The following LMNTD2 variants were observed in gnomAD, a reference collection of about 807,000 sequenced individuals.
The protein encoded by LMNTD2 is lamin tail domain containing 2.
In LMNTD2, 83 loss-of-function variants were observed where a neutral mutation model predicts 70.1. The ratio of observed to expected loss-of-function variants is 1.18; its 90% CI spans 0.99 to 1.42. The LOEUF (loss-of-function observed/expected upper bound fraction) is 1.42. Ranked by LOEUF, LMNTD2 falls within the 40% of genes most tolerant of loss-of-function variation. The probability of loss-of-function intolerance (pLI) is 0.00; values close to 1 mark genes in which losing one functional copy is unlikely to be tolerated. For missense variants in LMNTD2, 1,153 were observed against 905.9 expected (o/e 1.27, Z -3.50); for synonymous variants, 534 against 406.1 (o/e 1.31, Z -3.79).
chr11:555,531 C>T (rs1413763611), intron 12 of LMNTD2, 28 bp from the exon 13 acceptor site: 19 of 1,335,668 alleles, frequency 1.4e-5, no homozygotes, highest in East Asian at 3.1e-5. Context: ...GTGAGGGCGG[C>T]GGCCGGCCCG....
intron 1 of LMNTD2, chr11:560,470 C>T (rs1307554428): frequency 8.0e-7 from 1 of 1,256,314 alleles, no homozygotes. Context: ...GACTGGTGAC[C>T]CTGCGACCCC....
intron 3 of LMNTD2, 171 bp downstream of exon 3, chr11:558,443 G>A (rs1007064098): frequency 2.0e-5 from 21 of 1,070,082 alleles, no homozygotes; most frequent in East Asian, 5.2e-5. Flanking sequence ...ACATGCGCAG[G>A]GTTAGGGTGG....
chr11:557,772 T>G (rs1459036898), intron 5 of LMNTD2, 112 bp downstream of exon 5: 1 of 1,544,556 alleles, frequency 6.5e-7, no homozygotes, highest in African/African-American at 1.4e-5. Flanking sequence ...CAGAGGCACC[T>G]GAGCAGGGCA....
Position 556,887 on chromosome 11 carries a change from A to C in LMNTD2, c.924T>G (p.Ala308=). The C allele has an allele frequency of 6.3e-7, 1 of 1,595,836 alleles. No homozygotes were observed. Among genetic ancestry groups the C allele is most frequent in the Non-Finnish European group, 8.5e-7 (1 of 1,172,952 alleles). ...CCTGCACCAGCGCTTGCTCGGAGGA[A>C]GCGCGGTGGTCCCGGGGCGGGTGCC... ...VIGHPPRDHR[A]SSEQALVQAG... is the part of the protein sequence containing the mutation. The change falls in exon 8 of 14, where the codon GCT becomes GCG. Residue 308 remains alanine (A), a synonymous_variant. Coordinates refer to ENST00000329451, the MANE Select transcript of LMNTD2 (RefSeq NM_173573.3).
At position 556,294 on chromosome 11, in the gene LMNTD2, G is replaced by C; in HGVS notation, c.1155C>G (p.Ala385=). The change falls in exon 10 of 14, where the codon GCC becomes GCG. Residue 385 remains alanine, a synonymous_variant. Transcript: ENST00000329451. ...GCTTCAGCACCATGCCGCTCAGGTC[G>C]GCCGTGCTCTCCTGCGACGGGTTGA... is the stretch of plus-strand genomic sequence containing the variant. ...RIFNPSQEST[A]DLSGMVLKQL... 1.3e-6 allele frequency: 2 copies of C among 1,535,532 alleles called. No homozygotes were observed. The highest frequency in any genetic ancestry group is 1.7e-6 in the Non-Finnish European group (2 of 1,146,674).
chr11:559,868 T>A, intron 1 of LMNTD2: 1 of 661,576 alleles, frequency 1.5e-6, no homozygotes, highest in Non-Finnish European at 1.9e-6. Context: ...CAGGTGATCC[T>A]CCCACTTCCG....
rs1453779625 is a variant in LMNTD2, at chr11:556,219, C to T, written c.1230G>A (p.Thr410=). ...TGACGTGGTGCCGCGGGGCCAGCAGCGTGCCCGGCGGGAAGCGGTACAGGC... is the reference window on the plus strand; with the variant it reads ...TGACGTGGTGCCGCGGGGCCAGCAGTGTGCCCGGCGGGAAGCGGTACAGGC... The part of the protein sequence containing the change: ...PERLYRFPPG[T]LLAPRHHVTV... The change falls in exon 10 of 14, where the codon ACG becomes ACA. Residue 410 remains threonine (T), a synonymous_variant. Transcript: ENST00000329451. The T allele has an allele frequency of 2.7e-6, 4 of 1,489,570 alleles. No homozygotes were observed. Among genetic ancestry groups the T allele is most frequent in the Non-Finnish European group, 3.6e-6 (4 of 1,125,760 alleles). The allele number at this position is 1,489,570 out of a possible 1,614,324, so 92.3% of individuals were successfully genotyped here.
chr11:556,289 A>G lies in LMNTD2; in HGVS notation c.1160T>C (p.Leu387Pro). ...CAGCTGCTTCAGCACCATGCCGCTC[A>G]GGTCGGCCGTGCTCTCCTGCGACGG... ...FNPSQESTADLSGMVLKQLVR... is the reference protein window; with the variant it reads ...FNPSQESTADPSGMVLKQLVR... Residue 387 changes from leucine to proline, a missense_variant, in exon 10 of 14, where the codon CTG (leucine) becomes CCG (proline). Coordinates refer to ENST00000329451, the MANE Select transcript of LMNTD2 (RefSeq NM_173573.3). 1 of 1,535,458 alleles carries G rather than the reference A, an allele frequency of 6.5e-7. No homozygotes were observed. The highest frequency in any genetic ancestry group is 8.7e-7 in the Non-Finnish European group (1 of 1,146,642).
At chr11:560,257 G>C (rs777779541) in intron 1 of LMNTD2, 46 of 992,026 alleles carry the variant, frequency 4.6e-5, no homozygotes, top group Non-Finnish European at 4.9e-5. Flanking sequence ...GAGGCTGCGG[G>C]GCCCTGGGCG....
intron 1 of LMNTD2, chr11:559,253 CCT>C: frequency 6.7e-7 from 1 of 1,494,902 alleles, no homozygotes; most frequent in Non-Finnish European, 9.0e-7. Context: ...GGCGTGTACC[CCT>C]GCCACCCAGG....
chr11:555,507 G>A lies in LMNTD2; in HGVS notation c.1575-4C>T. On this transcript the variant is annotated splice_region_variant and splice_polypyrimidine_tract_variant and intron_variant, in intron 12 of 13. Coordinates refer to ENST00000329451, the MANE Select transcript of LMNTD2 (RefSeq NM_173573.3). ...TGGGGGCAGCAGGCCCCGCGTCCTG[G>A]TGGGGCGAGGGTCGTGAGGGCGGCG... The A allele has an allele frequency of 4.4e-6, 6 of 1,361,382 alleles. No individual in the cohort carries two copies. The South Asian group carries it at 7.6e-5, about 17-fold the overall frequency. The allele number at this position is 1,361,382 out of a possible 1,614,324, so 84.3% of individuals were successfully genotyped here. A position where few individuals can be genotyped will look rare whatever the true frequency, so the allele number is the denominator to read the frequency against.
At chr11:560,374 G>A (rs1383288653) in intron 1 of LMNTD2, 2 of 1,194,444 alleles carry the variant, frequency 1.7e-6, no homozygotes, top group East Asian at 3.6e-5. Flanking sequence ...AAGAGCCTCA[G>A]CTAGAGTCCG....
At position 555,067 on chromosome 11, in the gene LMNTD2, C is replaced by G. The variant is rs751552927; in HGVS notation, c.1818G>C (p.Leu606=). 1.3e-6 allele frequency: 2 copies of G among 1,580,664 alleles called. No homozygotes were observed. The highest frequency in any genetic ancestry group is 1.8e-5 in the Admixed American group (1 of 56,606). ...SVDRSCPLVA[L]SVQNTAESRF... ...TGCTCTCCGCCGTGTTCTGCACCGA[C>G]AGGGCCACCAGGGGGCAGCTACGGT... is the stretch of plus-strand genomic sequence containing the variant. Residue 606 remains leucine (L), a synonymous_variant, in exon 14 of 14, where the codon CTG becomes CTC. Transcript: ENST00000329451.
In LMNTD2 at chr11:560,685, C is replaced by T; in HGVS notation, c.32G>A (p.Arg11Gln). The T allele has an allele frequency of 1.4e-6, 2 of 1,439,056 alleles. No individual in the cohort carries two copies. Among genetic ancestry groups the T allele is most frequent in the Non-Finnish European group, 1.8e-6 (2 of 1,087,124 alleles). The allele number at this position is 1,439,056 out of a possible 1,614,324, so 89.1% of individuals were successfully genotyped here. A position where few individuals can be genotyped will look rare whatever the true frequency, so the allele number is the denominator to read the frequency against. The change falls in exon 1 of 14, where the codon CGG (arginine) becomes CAG (glutamine). Residue 11 changes from arginine to glutamine, a missense_variant and splice_region_variant. Transcript: ENST00000329451. The stretch of plus-strand genomic sequence containing the variant: ...CAGGAGCGGGGCCAGACACCTACCC[C>T]GACGCCTGCCCGCGGGCCGCAGCCA... The part of the protein sequence containing the change: MRWLRPAGRR[R>Q]EQESVSGHLG...
chr11:558,498 G>A (rs777527793), intron 3 of LMNTD2, 116 bp downstream of exon 3: 18 of 1,331,578 alleles, frequency 1.4e-5, no homozygotes, highest in Admixed American at 4.9e-5. Flanking sequence ...GGGTCAGCGC[G>A]GGCAAGGATG....
rs899502865 is a variant in LMNTD2 at position 554,951 on chromosome 11, C to T, written c.*29G>A. ...GCCCCGGCGCCCGCCCGCGCCCTCC[C>T]TCGCGGTCCCGGCCCCACTCCTCCG... On this transcript the variant is annotated 3_prime_UTR_variant, in exon 14 of 14. Transcript: ENST00000329451. 10 of 1,487,008 alleles carry T rather than the reference C, an allele frequency of 6.7e-6. No individual in the cohort carries two copies. The African/African-American group carries it at 1.3e-4, about 20-fold the overall frequency. 92.1% of individuals were successfully genotyped at this position (1,487,008 alleles called of 1,614,324 possible).
chr11:558,312 A>G, intron 3 of LMNTD2, 64 bp from the exon 4 acceptor site: 1 of 1,549,854 alleles, frequency 6.5e-7, no homozygotes, highest in South Asian at 1.1e-5. Flanking sequence ...ATGTCAGGTC[A>G]GTGGCGAAGG....
At chr11:559,215 G>A (rs781342968) in intron 1 of LMNTD2, 186 of 1,481,954 alleles carry the variant, frequency 1.3e-4, no homozygotes, top group Non-Finnish European at 1.5e-4. Context: ...CCAGGCTGGC[G>A]CAGCAGGTCA....
At position 555,100 on chromosome 11, in the gene LMNTD2, C is replaced by T; in HGVS notation, c.1785G>A (p.Lys595=). ...QKEHRVRVCR[K]SVDRSCPLVA... ...CCAGGGGGCAGCTACGGTCCACGCT[C>T]TTCCGGCACACCTGGGGGGCGCGGG... The change falls in exon 14 of 14, where the codon AAG becomes AAA. Residue 595 remains lysine (K), a synonymous_variant. Coordinates refer to ENST00000329451, the MANE Select transcript of LMNTD2 (RefSeq NM_173573.3). The T allele has an allele frequency of 6.6e-7, 1 of 1,524,482 alleles. No individual in the cohort carries two copies. Among genetic ancestry groups the T allele is most frequent in the Non-Finnish European group, 8.8e-7 (1 of 1,138,472 alleles). 94.4% of individuals were successfully genotyped at this position (1,524,482 alleles called of 1,614,324 possible).
Sources: allele counts gnomAD v4.1 joint callset, GRCh38; gene constraint gnomAD v4.1.1; transcripts MANE v1.5; gene names NCBI Gene and HGNC (gene_info 2026-07-23, HGNC 2026-07-21).